RASSF9: variants seen among roughly 807,000 people sequenced by gnomAD.
RASSF9 encodes the protein ras association domain-containing protein 9.
RASSF9 carries 18 observed loss-of-function variants against 21.4 expected under a neutral mutation model. That is an observed-to-expected ratio of 0.84 (90% CI 0.58 to 1.25). The LOEUF is 1.25. Among genes scored for constraint, RASSF9 ranks in the 50% most tolerant of loss-of-function variants. The probability of loss-of-function intolerance (pLI) is 0.00; values close to 1 mark genes in which losing one functional copy is unlikely to be tolerated. For synonymous variants in RASSF9, 183 were observed against 179.1 expected (o/e 1.02, Z -0.18); for missense variants, 480 against 503.2 (o/e 0.95, Z 0.44).
At chr12:85,829,358 G>A (rs1210945828) in intron 1 of RASSF9, among the ~76,000 whole-genome samples, 5 of 151,970 alleles carry the variant, frequency 3.3e-5, no homozygotes, top group African/African-American at 9.7e-5. Flanking sequence ...TCTGATACAC[G>A]GACCAATTTA....
chr12:85,835,407 T>A (rs1880537360), intron 1 of RASSF9, among the ~76,000 whole-genome samples: 1 of 152,122 alleles, frequency 6.6e-6, no homozygotes, highest in Admixed American at 6.5e-5. Context: ...CCTAGAAAAA[T>A]ACGTGTGTGT....
In RASSF9 at chr12:85,805,395, T is replaced by G. The variant is rs371263269; in HGVS notation, c.615A>C (p.Lys205Asn). 125 of 1,613,580 alleles carry G rather than the reference T, an allele frequency of 7.7e-5. No homozygotes were observed. The highest frequency in any genetic ancestry group is 6.6e-4 in the Middle Eastern group (4 of 6,084). ...HTIHQQVKRM[K>N]ELDLEIEKCE... is the part of the protein sequence containing the mutation. The stretch of plus-strand genomic sequence containing the variant: ...ACTTTTCAATTTCCAGATCCAGCTC[T>G]TTCATTCTCTTGACTTGCTGATGAA... The change falls in exon 2 of 2, where the codon AAA becomes AAC. Residue 205 changes from lysine (K) to asparagine (N), a missense_variant. Physicochemically the swap from Lys to Asn is moderately conservative, Grantham distance 94. Transcript: ENST00000361228.
At chr12:85,812,742 C>A (rs1240134687) in intron 1 of RASSF9, among the ~76,000 whole-genome samples, 1 of 151,494 alleles carries the variant, frequency 6.6e-6, no homozygotes, top group Non-Finnish European at 1.5e-5. Flanking sequence ...AAAATTACCA[C>A]TATTATTATT....
chr12:85,828,924 T>C (rs1236629850), intron 1 of RASSF9, among the ~76,000 whole-genome samples: 3 of 152,264 alleles, frequency 2.0e-5, no homozygotes, highest in African/African-American at 7.2e-5. Context: ...GGTTTATCAA[T>C]AGAATCTCTC....
intron 1 of RASSF9, among the ~76,000 whole-genome samples, chr12:85,809,994 A>G (rs774562255): frequency 2.6e-5 from 4 of 151,826 alleles, no homozygotes; most frequent in Non-Finnish European, 4.4e-5. Flanking sequence ...TTCTGCAGTC[A>G]GCTATTTCTC....
chr12:85,828,557 T>A (rs1188299834), intron 1 of RASSF9, among the ~76,000 whole-genome samples: 1 of 152,128 alleles, frequency 6.6e-6, no homozygotes, highest in Non-Finnish European at 1.5e-5. Flanking sequence ...CATTCCACAG[T>A]CAACCATTTT....
At position 85,803,890 on chromosome 12, in the gene RASSF9, G is replaced by A. The variant is rs757492749; in HGVS notation, c.*812C>T. The A allele has an allele frequency of 6.6e-6, 1 of 152,108 alleles. No homozygotes were observed. The highest frequency in any genetic ancestry group is 2.4e-5 in the African/African-American group (1 of 41,424). The allele number at this position is 152,108 out of a possible 1,614,324, so 9.4% of individuals were successfully genotyped here. A position where few individuals can be genotyped will look rare whatever the true frequency, so the allele number is the denominator to read the frequency against. ...TCCAAATTCCATCATTGCAACTTTTGTAGATAGGACATAAACAAATAACAC... is the reference window on the plus strand; with the variant it reads ...TCCAAATTCCATCATTGCAACTTTTATAGATAGGACATAAACAAATAACAC... On this transcript the variant is annotated 3_prime_UTR_variant, in exon 2 of 2. Coordinates refer to ENST00000361228, the MANE Select transcript of RASSF9 (RefSeq NM_005447.4).
intron 1 of RASSF9, among the ~76,000 whole-genome samples, chr12:85,825,967 G>A (rs1454581033): frequency 6.6e-6 from 1 of 152,140 alleles, no homozygotes; most frequent in African/African-American, 2.4e-5. Context: ...TGGGAAACCA[G>A]TTTGTGTTTT....
intron 1 of RASSF9, among the ~76,000 whole-genome samples, chr12:85,823,337 C>A (rs889287048): frequency 1.4e-4 from 21 of 152,114 alleles, no homozygotes; most frequent in Non-Finnish European, 2.5e-4. Flanking sequence ...CTCTTTGTAA[C>A]ATAATGCATT....
chr12:85,833,770 A>G (rs987020303), intron 1 of RASSF9, among the ~76,000 whole-genome samples: 4 of 152,038 alleles, frequency 2.6e-5, no homozygotes, highest in African/African-American at 9.6e-5. Context: ...AGGCATATAA[A>G]TATATTTGTT....
rs1320685580 is a variant in RASSF9, at chr12:85,836,277, G to T, written c.-76C>A. On this transcript the variant is annotated 5_prime_UTR_variant, in exon 1 of 2. In the 5' UTR this introduces an upstream ATG that the reference lacks. Coordinates refer to ENST00000361228, the MANE Select transcript of RASSF9 (RefSeq NM_005447.4). ...GGGGGTGGGGGTGTCTGGATTTCCA[G>T]GGTGAAGGGAGGAGGGCTGGAAGCT... is the stretch of plus-strand genomic sequence containing the variant. The T allele has an allele frequency of 2.1e-5, 32 of 1,535,428 alleles. No individual in the cohort carries two copies. Among genetic ancestry groups the T allele is most frequent in the Non-Finnish European group, 2.7e-5 (31 of 1,134,888 alleles).
At chr12:85,825,874 G>C (rs1429794284) in intron 1 of RASSF9, among the ~76,000 whole-genome samples, 1 of 151,990 alleles carries the variant, frequency 6.6e-6, no homozygotes, top group Non-Finnish European at 1.5e-5. Context: ...CAAAGGTAAT[G>C]ATTAAAGGAT....
chr12:85,820,316 A>G (rs1273383822), intron 1 of RASSF9, among the ~76,000 whole-genome samples: 1 of 152,224 alleles, frequency 6.6e-6, no homozygotes, highest in East Asian at 1.9e-4. Flanking sequence ...CTTATGGTTC[A>G]CAAACCTTAA....
rs1790537269 is a variant in RASSF9, at chr12:85,803,716, G to A, written c.*986C>T. On this transcript the variant is annotated 3_prime_UTR_variant, in exon 2 of 2. Transcript: ENST00000361228. ...TTGCTGGTACTTTTTTAGGAACTAA[G>A]TCTCTTTTAAGCACTTTAGATGAAG... 6.6e-6 allele frequency: 1 copy of A among 152,132 alleles called. No individual in the cohort carries two copies. The highest frequency in any genetic ancestry group is 1.5e-5 in the Non-Finnish European group (1 of 68,012). The allele number at this position is 152,132 out of a possible 1,614,324, so 9.4% of individuals were successfully genotyped here. A position where few individuals can be genotyped will look rare whatever the true frequency, so the allele number is the denominator to read the frequency against.
chr12:85,807,531 G>C (rs1879861050), intron 1 of RASSF9, among the ~76,000 whole-genome samples: 1 of 152,152 alleles, frequency 6.6e-6, no homozygotes, highest in Admixed American at 6.5e-5. Flanking sequence ...TATTCCATCA[G>C]TCTAGAAAAT....
chr12:85,816,013 T>G (rs1303545757), intron 1 of RASSF9, among the ~76,000 whole-genome samples: 3 of 152,078 alleles, frequency 2.0e-5, no homozygotes, highest in Non-Finnish European at 4.4e-5. Flanking sequence ...TACAAGGATA[T>G]GAATATAAAT....
Position 85,801,863 on chromosome 12 carries a change from C to G in RASSF9, c.*2839G>C, listed in dbSNP as rs1879713401. 1 of 152,122 alleles carries G rather than the reference C, an allele frequency of 6.6e-6. No homozygotes were observed. The highest frequency in any genetic ancestry group is 2.4e-5 in the African/African-American group (1 of 41,430). The allele number at this position is 152,122 out of a possible 1,614,324, so 9.4% of individuals were successfully genotyped here. On this transcript the variant is annotated 3_prime_UTR_variant, in exon 2 of 2. Transcript: ENST00000361228. ...TTGAAGGAGGGGAATTAGGTAAGTG[C>G]ATAAATATATATAGCGTAAGCCAGA...
intron 1 of RASSF9, among the ~76,000 whole-genome samples, chr12:85,817,684 A>C (rs1880105858): frequency 6.6e-6 from 1 of 152,076 alleles, no homozygotes; most frequent in Admixed American, 6.6e-5. Context: ...CAGTTTTAAC[A>C]AATATGATTT....
chr12:85,825,484 T>C (rs1469567580), intron 1 of RASSF9, among the ~76,000 whole-genome samples: 1 of 152,194 alleles, frequency 6.6e-6, no homozygotes, highest in African/African-American at 2.4e-5. Flanking sequence ...CCTGTTTTTG[T>C]AAATAAAAGT....
Sources: allele counts gnomAD v4.1 joint callset (sites outside exome capture counted in the v4.1 genomes callset), GRCh38; gene constraint gnomAD v4.1.1; transcripts MANE v1.5; gene names NCBI Gene and HGNC (gene_info 2026-07-23, HGNC 2026-07-21).